Variants in INPPL1 observed in about 807,000 individuals in gnomAD.
INPPL1 encodes the protein inositol polyphosphate phosphatase like 1.
Under a neutral mutation model 139.3 loss-of-function variants are expected in INPPL1, and 91 were observed. The ratio of observed to expected loss-of-function variants is 0.65; its 90% CI spans 0.55 to 0.78. The LOEUF (loss-of-function observed/expected upper bound fraction) is 0.78, where lower values mean the gene tolerates loss of function less well. Among genes scored for constraint, INPPL1 ranks in the 30% least tolerant of loss-of-function variants. The probability of loss-of-function intolerance (pLI) is 0.00; values close to 1 mark genes in which losing one functional copy is unlikely to be tolerated. For synonymous variants in INPPL1, 719 were observed against 686.6 expected (o/e 1.05, Z -0.74); for missense variants, 1,411 against 1,665.6 (o/e 0.85, Z 2.66).
intron 18 of INPPL1, 35 bp from the exon 19 acceptor site, chr11:72,233,620 C>T (rs760543226): frequency 1.2e-6 from 2 of 1,604,500 alleles, no homozygotes; most frequent in Non-Finnish European, 1.7e-6. Flanking sequence ...TGGGAATATT[C>T]CCCCTGAGTC....
rs1948912385 is a variant in INPPL1, at chr11:72,234,026, G to A, written c.2213-255G>A. Among the ~76,000 whole-genome samples the A allele has an allele frequency of 6.6e-6, 1 of 152,186 alleles. No individual in the cohort carries two copies. Among genetic ancestry groups the A allele is most frequent in the Non-Finnish European group, 1.5e-5 (1 of 68,038 alleles). On this transcript the variant is annotated intron_variant, in intron 19 of 27. Coordinates refer to ENST00000298229, the MANE Select transcript of INPPL1 (RefSeq NM_001567.4). The surrounding 1 kb of genome is among the most constrained non-coding windows in gnomAD (Gnocchi z 4.2). ...TGTGTCCCTGAGTATGCCTGTAGGTGTGGGAATCCTGCAGGCATTCTGGTC... is the reference window on the plus strand; with the variant it reads ...TGTGTCCCTGAGTATGCCTGTAGGTATGGGAATCCTGCAGGCATTCTGGTC...
chr11:72,225,415 C>G (rs1948642908), intron 1 of INPPL1: 1 of 985,260 alleles, frequency 1.0e-6, no homozygotes, highest in African/African-American at 1.7e-5. Flanking sequence ...CCCAGTGTGA[C>G]TGTGATGACG....
intron 1 of INPPL1, among the ~76,000 whole-genome samples, chr11:72,226,619 G>A (rs1340023810): frequency 6.6e-6 from 1 of 152,204 alleles, no homozygotes; most frequent in Non-Finnish European, 1.5e-5. Flanking sequence ...AATGTCAGTG[G>A]TATGGAGGTT....
At chr11:72,225,934 T>A (rs1164845790) in intron 1 of INPPL1, among the ~76,000 whole-genome samples, 1 of 152,196 alleles carries the variant, frequency 6.6e-6, no homozygotes, top group Admixed American at 6.5e-5. Flanking sequence ...CTCTTGGTTT[T>A]GCAGCCTTCT....
chr11:72,236,733 G>C (rs1377421698), intron 25 of INPPL1, among the ~76,000 whole-genome samples: 1 of 152,176 alleles, frequency 6.6e-6, no homozygotes, highest in African/African-American at 2.4e-5. Context: ...AGACCCACCT[G>C]AATCTCTGAG....
At chr11:72,227,704 C>G (rs374475033) in intron 1 of INPPL1, among the ~76,000 whole-genome samples, 58 of 152,354 alleles carry the variant, frequency 3.8e-4, no homozygotes, top group African/African-American at 1.3e-3. Context: ...CCCCCACACT[C>G]CTCGGCACAA....
chr11:72,229,734 G>T lies in INPPL1; in HGVS notation c.825G>T (p.Leu275=), dbSNP rs767762060. ...VLKLSVLKDF[L]SGIQKKALKA... ...AGCTGTCAGTGCTAAAGGACTTCCTGTCAGGCATCCAGAAGAAGGTGGCAT... is the reference window on the plus strand; with the variant it reads ...AGCTGTCAGTGCTAAAGGACTTCCTTTCAGGCATCCAGAAGAAGGTGGCAT... Residue 275 remains leucine (L), a synonymous_variant, in exon 7 of 28, where the codon CTG becomes CTT. Transcript: ENST00000298229. 6.2e-7 allele frequency: 1 copy of T among 1,613,998 alleles called. No individual in the cohort carries two copies. Among genetic ancestry groups the T allele is most frequent in the South Asian group, 1.1e-5 (1 of 91,088 alleles).
At position 72,238,421 on chromosome 11, in the gene INPPL1, A is replaced by G; in HGVS notation, c.*68A>G. ...GCTACCAAGGCCCAGCTATGGCCCC[A>G]GGGTTGAAAAGTTATGAGGGTCAGG... On this transcript the variant is annotated 3_prime_UTR_variant, in exon 28 of 28. Coordinates refer to ENST00000298229, the MANE Select transcript of INPPL1 (RefSeq NM_001567.4). 2.2e-6 allele frequency: 3 copies of G among 1,370,094 alleles called. No individual in the cohort carries two copies. Among genetic ancestry groups the G allele is most frequent in the Non-Finnish European group, 2.9e-6 (3 of 1,017,294 alleles). The allele number at this position is 1,370,094 out of a possible 1,614,324, so 84.9% of individuals were successfully genotyped here. A position where few individuals can be genotyped will look rare whatever the true frequency, so the allele number is the denominator to read the frequency against.
intron 25 of INPPL1, among the ~76,000 whole-genome samples, chr11:72,236,606 T>G (rs1286237129): frequency 6.6e-6 from 1 of 152,214 alleles, no homozygotes; most frequent in Non-Finnish European, 1.5e-5. Flanking sequence ...GAGGCTTGCT[T>G]TCTAATTATA....
chr11:72,238,016 C>T, intron 26 of INPPL1, 26 bp from the exon 27 acceptor site: 1 of 1,519,496 alleles, frequency 6.6e-7, no homozygotes, highest in Non-Finnish European at 8.8e-7. Context: ...GCACTCAGCT[C>T]CCCCTGACAT....
In INPPL1 at chr11:72,230,260, C is replaced by A. The variant is rs372182741; in HGVS notation, c.1079C>A (p.Thr360Lys). The part of the protein sequence containing the change: ...RDSQEDWTTF[T>K]HDRIRQLIKS... ...TCCCAGGAGGACTGGACCACCTTCACGCACGACCGCAGTGAGCCAGGGCCA... is the reference window on the plus strand; with the variant it reads ...TCCCAGGAGGACTGGACCACCTTCAAGCACGACCGCAGTGAGCCAGGGCCA... The change falls in exon 9 of 28, where the codon ACG (threonine) becomes AAG (lysine). Residue 360 changes from threonine (T) to lysine (K), a missense_variant. Thr to Lys is a moderately conservative substitution (Grantham distance 78). Around this residue, in one of 5 missense-constraint regions of INPPL1, gnomAD observed 504 missense variants for 595.6 expected, o/e 0.85. Transcript: ENST00000298229. The A allele has an allele frequency of 6.2e-6, 10 of 1,607,090 alleles. No homozygotes were observed. Among genetic ancestry groups the A allele is most frequent in the Non-Finnish European group, 8.5e-6 (10 of 1,175,722 alleles).
In INPPL1 at chr11:72,235,195, A is replaced by C. The variant is rs1948950692; in HGVS notation, c.2495A>C (p.Glu832Ala). 6.2e-7 allele frequency: 1 copy of C among 1,613,908 alleles called. No homozygotes were observed. Residue 832 changes from glutamate (E) to alanine (A), a missense_variant, in exon 22 of 28, where the codon GAA becomes GCA. This residue lies in a region of INPPL1 where 99 missense variants were observed against 171.6 expected (regional missense o/e 0.58). Transcript: ENST00000298229. The surrounding 1 kb of genome is among the most constrained non-coding windows in gnomAD (Gnocchi z 4.9). The stretch of plus-strand genomic sequence containing the variant: ...ACAGTCAAGTCCATGGATGGCTATG[A>C]ATCCTATGGTGAGGGGTGAGGGGTG... ...LLTVKSMDGY[E>A]SYGECVVALK...
rs1948960428 is a variant in INPPL1, at chr11:72,235,461, C to T, written c.2659+10C>T. 16 of 1,610,032 alleles carry T rather than the reference C, an allele frequency of 9.9e-6. No individual in the cohort carries two copies. The highest frequency in any genetic ancestry group is 1.4e-5 in the Non-Finnish European group (16 of 1,179,342). On this transcript the variant is annotated intron_variant, in intron 23 of 27. Transcript: ENST00000298229. The surrounding 1 kb of genome is among the most constrained non-coding windows in gnomAD (Gnocchi z 4.9). ...CGTGAGCGGCTCTACGGTGGGGACT[C>T]CACTGGGACATGAGATAGGGTGGTG...
chr11:72,231,111 G>C lies in INPPL1; in HGVS notation c.1419G>C (p.Glu473Asp). The C allele has an allele frequency of 6.2e-7, 1 of 1,613,998 alleles. No homozygotes were observed. The highest frequency in any genetic ancestry group is 8.5e-7 in the Non-Finnish European group (1 of 1,180,028). Residue 473 changes from glutamate to aspartate, a missense_variant, in exon 12 of 28, where the codon GAG becomes GAC. Around this residue, in one of 5 missense-constraint regions of INPPL1, gnomAD observed 363 missense variants for 446.2 expected, o/e 0.81. Coordinates refer to ENST00000298229, the MANE Select transcript of INPPL1 (RefSeq NM_001567.4). ...ACATCTATGTCTTTGGGACCCAGGA[G>C]AACTCAGTGGGCGACCGCGAGTGGC... Reference protein sequence around the residue: ...PHDIYVFGTQENSVGDREWLD... With the variant: ...PHDIYVFGTQDNSVGDREWLD...
chr11:72,230,871 T>C lies in INPPL1; in HGVS notation c.1273T>C (p.Ser425Pro). Residue 425 changes from serine (S) to proline (P), a missense_variant, in exon 11 of 28, where the codon TCA becomes CCA. Physicochemically the swap from Ser to Pro is moderately conservative, Grantham distance 74 (BLOSUM62 -1). Transcript: ENST00000298229. ...HSKQDEPDMI[S>P]VFIGTWNMGS... ...CAAGCAGGACGAGCCCGACATGATCTCAGTCTTCATAGGCACCTGGAACAT... is the reference window on the plus strand; with the variant it reads ...CAAGCAGGACGAGCCCGACATGATCCCAGTCTTCATAGGCACCTGGAACAT... The C allele has an allele frequency of 2.5e-6, 4 of 1,613,958 alleles. No homozygotes were observed. The highest frequency in any genetic ancestry group is 3.4e-6 in the Non-Finnish European group (4 of 1,179,964).
chr11:72,224,400 G>T (rs1418877492), upstream of INPPL1, among the ~76,000 whole-genome samples: 2 of 151,878 alleles, frequency 1.3e-5, no homozygotes, highest in African/African-American at 4.8e-5. Flanking sequence ...GCTGTAAGGG[G>T]GACGAGAGGA....
Position 72,224,881 on chromosome 11 carries a change from C to G in INPPL1, c.-104C>G, listed in dbSNP as rs1174413842. The stretch of plus-strand genomic sequence containing the variant: ...CCCCGGCTCTGTCCGGCCCACGGAT[C>G]CTCAAGCCCGGGCCCCGGGCCCGGC... On this transcript the variant is annotated 5_prime_UTR_variant, in exon 1 of 28. It adds an upstream start codon to the 5' untranslated region. Transcript: ENST00000298229. 4.9e-6 allele frequency: 4 copies of G among 822,124 alleles called. No individual in the cohort carries two copies. In the African/African-American group the frequency reaches 5.5e-5, roughly 11 times the overall value. The allele number at this position is 822,124 out of a possible 1,614,324, so 50.9% of individuals were successfully genotyped here. A position where few individuals can be genotyped will look rare whatever the true frequency, so the allele number is the denominator to read the frequency against.
Position 72,228,218 on chromosome 11 carries a change from A to G in INPPL1, c.211A>G (p.Ile71Val), listed in dbSNP as rs772737379. ...TCAGAAGCATGTGCACACGTATCGC[A>G]TTCTGCCTGATGGAGAAGATTTCTT... Reference protein sequence around the residue: ...LYQKHVHTYRILPDGEDFLAV... With the variant: ...LYQKHVHTYRVLPDGEDFLAV... Residue 71 changes from isoleucine to valine, a missense_variant, in exon 2 of 28, where the codon ATT becomes GTT. Transcript: ENST00000298229. This position sits in a 1 kb window ranked among gnomAD's most constrained non-coding sequence, Gnocchi z 5.0. 38 of 1,613,960 alleles carry G rather than the reference A, an allele frequency of 2.4e-5. No individual in the cohort carries two copies. The highest frequency in any genetic ancestry group is 3.1e-5 in the Non-Finnish European group (36 of 1,179,990).
chr11:72,237,490 G>T lies in INPPL1; in HGVS notation c.3246G>T (p.Gly1082=). ...LPGPVVRGRG[G]AEARGPPPPK... ...GGCCAGTGGTCCGGGGCCGTGGTGG[G>T]GCTGAGGCCCGTGGCCCACCACCTC... Residue 1082 remains glycine (G), a synonymous_variant, in exon 26 of 28, where the codon GGG becomes GGT. Transcript: ENST00000298229. 1 of 1,609,542 alleles carries T rather than the reference G, an allele frequency of 6.2e-7. No individual in the cohort carries two copies. The highest frequency in any genetic ancestry group is 8.5e-7 in the Non-Finnish European group (1 of 1,177,336).
Sources: allele counts gnomAD v4.1 joint callset (sites outside exome capture counted in the v4.1 genomes callset), GRCh38; gene constraint gnomAD v4.1.1; regional missense constraint gnomAD v4.1.1; non-coding constraint Gnocchi (gnomAD v3.1); transcripts MANE v1.5; gene names NCBI Gene and HGNC (gene_info 2026-07-23, HGNC 2026-07-21).